FBXO31: variants seen among roughly 807,000 people sequenced by gnomAD.
FBXO31 encodes F-box only protein 31.
Under a neutral mutation model 54.4 loss-of-function variants are expected in FBXO31, and 24 were observed. The ratio of observed to expected loss-of-function variants is 0.44; its 90% confidence interval spans 0.32 to 0.62. FBXO31 has a LOEUF of 0.62. FBXO31 is among the 20% of genes least tolerant of loss of function. The probability of loss-of-function intolerance (pLI) is 0.05; values close to 1 mark genes in which losing one functional copy is unlikely to be tolerated. For missense variants in FBXO31, 665 were observed against 787.1 expected (o/e 0.84, Z 1.86); for synonymous variants, 388 against 335.6 (o/e 1.16, Z -1.71).
chr16:87,328,100 C>T lies in FBXO31; in HGVS notation c.*3188G>A, dbSNP rs1335411560. The T allele has an allele frequency of 6.6e-6, 1 of 152,270 alleles. No individual in the cohort carries two copies. The highest frequency in any genetic ancestry group is 1.5e-5 in the Non-Finnish European group (1 of 68,068). The allele number at this position is 152,270 out of a possible 1,614,324, so 9.4% of individuals were successfully genotyped here. ...TGCTGTCCGTGACTGCCCACGAGCA[C>T]TGAAAATGGCCTAACCGTGTGCAGG... On this transcript the variant is annotated 3_prime_UTR_variant, in exon 9 of 9. Transcript: ENST00000311635.
chr16:87,383,758 G>A lies in FBXO31; in HGVS notation c.-14C>T, dbSNP rs1348170922. 5 of 1,196,822 alleles carry A rather than the reference G, an allele frequency of 4.2e-6. No individual in the cohort carries two copies. Among genetic ancestry groups the A allele is most frequent in the South Asian group, 3.9e-5 (1 of 25,416 alleles). The allele number at this position is 1,196,822 out of a possible 1,614,324, so 74.1% of individuals were successfully genotyped here. On this transcript the variant is annotated 5_prime_UTR_variant, in exon 1 of 9. Coordinates refer to ENST00000311635, the MANE Select transcript of FBXO31 (RefSeq NM_024735.5). The surrounding 1 kb of genome is among the most constrained non-coding windows in gnomAD (Gnocchi z 4.9). The stretch of plus-strand genomic sequence containing the variant: ...ACACACCGCCATGCCGCCCAGTGAC[G>A]GCCACTGCTGCCGCCTGTGCGCACG...
chr16:87,347,846 T>G (rs1905462224), intron 2 of FBXO31, among the ~76,000 whole-genome samples: 1 of 152,150 alleles, frequency 6.6e-6, no homozygotes, highest in South Asian at 2.1e-4. Context: ...AACAGCGAGC[T>G]GGACTAGACC....
chr16:87,383,385 CG>C lies in FBXO31; in HGVS notation c.340+19del. On this transcript the variant is annotated intron_variant, in intron 1 of 8. Coordinates refer to ENST00000311635, the MANE Select transcript of FBXO31 (RefSeq NM_024735.5). The surrounding 1 kb of genome is among the most constrained non-coding windows in gnomAD (Gnocchi z 4.9). ...AGGGACCCCCCGCCCCTCCCGGCCC[CG>C]CCACCCCCGCGCGCTCACCCTCACG... 7.9e-6 allele frequency: 12 copies of C among 1,518,056 alleles called. No individual in the cohort carries two copies. Among genetic ancestry groups the C allele is most frequent in the Admixed American group, 2.1e-5 (1 of 48,742 alleles). 94.0% of individuals were successfully genotyped at this position (1,518,056 alleles called of 1,614,324 possible).
At chr16:87,355,031 G>A (rs1473111525) in intron 2 of FBXO31, among the ~76,000 whole-genome samples, 5 of 151,962 alleles carry the variant, frequency 3.3e-5, no homozygotes, top group African/African-American at 7.3e-5. Context: ...TACCGTATGG[G>A]CTTGTTCCCA....
At chr16:87,379,478 A>C (rs1906977414) in intron 1 of FBXO31, among the ~76,000 whole-genome samples, 1 of 152,156 alleles carries the variant, frequency 6.6e-6, no homozygotes, top group South Asian at 2.1e-4. Flanking sequence ...TGTTCCCTGA[A>C]AGGGGAACAA....
At chr16:87,341,139 T>A (rs563755821) in intron 5 of FBXO31, among the ~76,000 whole-genome samples, 163 of 152,294 alleles carry the variant, frequency 1.1e-3, no homozygotes, top group Non-Finnish European at 1.8e-3. Flanking sequence ...CTCCTGGGTG[T>A]TTCTCTCATT....
At chr16:87,365,010 A>AAAATATATATATATAT (rs1233086176) in intron 1 of FBXO31, among the ~76,000 whole-genome samples, 1 of 47,684 alleles carries the variant, frequency 2.1e-5, no homozygotes, top group Non-Finnish European at 3.6e-5. Context: ...CCGTCTCTTA[A>AAAATATATATATATAT]ATATATATAT....
rs145168450 is a variant in FBXO31 at position 87,359,082 on chromosome 16, C to T, written c.412+1213G>A. Among the ~76,000 whole-genome samples the T allele has an allele frequency of 6.3e-3, 956 of 152,330 alleles. 19 individuals carry two copies. The highest frequency in any genetic ancestry group is 0.022 in the African/African-American group (923 of 41,564). Reference sequence around the variant, plus strand: ...GCCTTAAAGCAAATTCACAGAAACACAGTTGCTGCGCTGTGAAAATGAACA... The same window carrying T: ...GCCTTAAAGCAAATTCACAGAAACATAGTTGCTGCGCTGTGAAAATGAACA... On this transcript the variant is annotated intron_variant, in intron 2 of 8. Coordinates refer to ENST00000311635, the MANE Select transcript of FBXO31 (RefSeq NM_024735.5).
Position 87,357,547 on chromosome 16 carries a change from C to G in FBXO31, c.412+2748G>C, listed in dbSNP as rs191235351. On this transcript the variant is annotated intron_variant, in intron 2 of 8. Transcript: ENST00000311635. ...TTCACCATGTTGGCCAGACAGGTCT[C>G]GAACTCCTGACCTCAGATGATCCAC... is the stretch of plus-strand genomic sequence containing the variant. Among the ~76,000 whole-genome samples the G allele has an allele frequency of 4.7e-3, 711 of 152,092 alleles. 6 individuals are homozygous for G. The highest frequency in any genetic ancestry group is 0.016 in the African/African-American group (670 of 41,484).
chr16:87,335,546 G>A lies in FBXO31; in HGVS notation c.843-89C>T. 8.8e-7 allele frequency: 1 copy of A among 1,136,998 alleles called. No individual in the cohort carries two copies. Among genetic ancestry groups the A allele is most frequent in the Non-Finnish European group, 1.2e-6 (1 of 811,964 alleles). The allele number at this position is 1,136,998 out of a possible 1,614,324, so 70.4% of individuals were successfully genotyped here. ...AGGTGCCAGGGATGAGCTTTGCAGG[G>A]CGGGGTAGGGCGGGCAGCTCAGCTC... On this transcript the variant is annotated intron_variant, in intron 6 of 8. Coordinates refer to ENST00000311635, the MANE Select transcript of FBXO31 (RefSeq NM_024735.5). The surrounding 1 kb of genome is among the most constrained non-coding windows in gnomAD (Gnocchi z 5.7).
upstream of FBXO31, chr16:87,383,910 G>A (rs572084105): frequency 1.2e-5 from 5 of 405,202 alleles, no homozygotes; most frequent in African/African-American, 8.6e-5. This position sits in a 1 kb window ranked among gnomAD's most constrained non-coding sequence, Gnocchi z 4.9. Context: ...CCCTCCCCGC[G>A]GGGCGGCGAC....
At chr16:87,376,458 G>C (rs571416514) in intron 1 of FBXO31, among the ~76,000 whole-genome samples, 54 of 152,074 alleles carry the variant, frequency 3.6e-4, no homozygotes, top group African/African-American at 1.2e-3. Context: ...ATTTTTAGTA[G>C]AGACAGGGGT....
At chr16:87,373,286 C>T (rs971692554) in intron 1 of FBXO31, among the ~76,000 whole-genome samples, 5 of 151,712 alleles carry the variant, frequency 3.3e-5, no homozygotes, top group East Asian at 2.0e-4. Flanking sequence ...CCTGTCTCTA[C>T]TAAAAATACA....
At chr16:87,370,679 C>G (rs928510347) in intron 1 of FBXO31, among the ~76,000 whole-genome samples, 2 of 152,180 alleles carry the variant, frequency 1.3e-5, no homozygotes, top group Non-Finnish European at 2.9e-5. Flanking sequence ...ACTGCGGCCC[C>G]TGGGACACTG....
upstream of FBXO31, among the ~76,000 whole-genome samples, chr16:87,387,537 G>A (rs558889882): frequency 1.6e-3 from 244 of 152,288 alleles, 1 homozygote; most frequent in African/African-American, 3.5e-3. Context: ...TGGGCAGGGC[G>A]CGGTGGCTTA....
At chr16:87,381,679 G>T (rs190986085) in intron 1 of FBXO31, among the ~76,000 whole-genome samples, 42 of 152,344 alleles carry the variant, frequency 2.8e-4, no homozygotes, top group African/African-American at 9.6e-4. Flanking sequence ...ACAACAGGCT[G>T]CAAAGGTTTC....
upstream of FBXO31, among the ~76,000 whole-genome samples, chr16:87,385,010 TCAAA>T (rs147856418): frequency 0.084 from 12,638 of 150,398 alleles, 660 homozygotes; most frequent in East Asian, 0.24. Flanking sequence ...CCCTGTCTCT[TCAAA>T]CAAACAAACA....
At chr16:87,373,813 G>A (rs1041202472) in intron 1 of FBXO31, among the ~76,000 whole-genome samples, 1 of 152,200 alleles carries the variant, frequency 6.6e-6, no homozygotes, top group African/African-American at 2.4e-5. Context: ...CAAATCAAAA[G>A]AGAACAGAAA....
chr16:87,374,909 G>A (rs368524600), intron 1 of FBXO31, among the ~76,000 whole-genome samples: 9 of 152,350 alleles, frequency 5.9e-5, no homozygotes, highest in African/African-American at 1.2e-4. Context: ...CCGACTGGGC[G>A]TAATGGCTCA....
Sources: allele counts gnomAD v4.1 joint callset (sites outside exome capture counted in the v4.1 genomes callset), GRCh38; gene constraint gnomAD v4.1.1; non-coding constraint Gnocchi (gnomAD v3.1); transcripts MANE v1.5; gene names NCBI Gene and HGNC (gene_info 2026-07-23, HGNC 2026-07-21).